TANGO6: variants seen among roughly 807,000 people sequenced by gnomAD.
TANGO6 encodes the protein transport and Golgi organization protein 6 homolog.
In TANGO6, 90 loss-of-function variants were observed where a neutral mutation model predicts 114.2. That is an observed-to-expected ratio of 0.79 (90% CI 0.66 to 0.94). TANGO6 has a LOEUF of 0.94. Among genes scored for constraint, TANGO6 ranks in the 40% least tolerant of loss-of-function variants. The pLI, the probability that TANGO6 is intolerant of heterozygous loss-of-function variation, is 0.00. For missense variants in TANGO6, 1,274 were observed against 1,315.3 expected, an observed-to-expected ratio of 0.97 and a Z score of 0.49; for synonymous variants, 477 against 509.8, an observed-to-expected ratio of 0.94 and a Z score of 0.87.
intron 4 of TANGO6, chr16:68,867,882 C>G (rs914279809): frequency 6.6e-6 from 1 of 151,458 alleles, no homozygotes; most frequent in African/African-American, 2.4e-5. Flanking sequence ...TGGCTCACAC[C>G]TGTAATCCCA....
chr16:69,037,583 A>G (rs80079833), intron 16 of TANGO6, among the ~76,000 whole-genome samples: 3,936 of 152,276 alleles, frequency 0.026, 182 homozygotes, highest in African/African-American at 0.09. Context: ...CTGAAAGTGG[A>G]GGTAGCTATT....
chr16:69,061,528 A>C (rs1368695017), intron 17 of TANGO6, among the ~76,000 whole-genome samples: 1 of 151,148 alleles, frequency 6.6e-6, no homozygotes, highest in East Asian at 2.0e-4. Flanking sequence ...ACTCCAGCCT[A>C]GGCGACAGAG....
At chr16:68,906,835 C>T (rs1962856936) in intron 9 of TANGO6, among the ~76,000 whole-genome samples, 1 of 151,110 alleles carries the variant, frequency 6.6e-6, no homozygotes, top group African/African-American at 2.4e-5. Flanking sequence ...CTCTTGTTAC[C>T]CAGGCTGGAG....
intron 17 of TANGO6, among the ~76,000 whole-genome samples, chr16:69,058,281 C>T (rs928087976): frequency 2.0e-5 from 3 of 152,076 alleles, no homozygotes; most frequent in Non-Finnish European, 4.4e-5. Context: ...CAAATCTGCG[C>T]CAAATAAATT....
chr16:68,885,006 A>G (rs1405580197), intron 7 of TANGO6, among the ~76,000 whole-genome samples: 1 of 152,238 alleles, frequency 6.6e-6, no homozygotes, highest in Non-Finnish European at 1.5e-5. Context: ...AGCCAGCTGC[A>G]GTGGGAAAAC....
chr16:68,843,592 C>G lies in TANGO6; in HGVS notation c.-26C>G. On this transcript the variant is annotated 5_prime_UTR_variant, in exon 1 of 18. Coordinates refer to ENST00000261778, the MANE Select transcript of TANGO6 (RefSeq NM_024562.2). Reference sequence around the variant, plus strand: ...GCCCTGCCGAGGCGCCTGAGCGGGTCGCGAGCGTGGTGTTACACTCCAGTC... The same window carrying G: ...GCCCTGCCGAGGCGCCTGAGCGGGTGGCGAGCGTGGTGTTACACTCCAGTC... The G allele has an allele frequency of 6.2e-7, 1 of 1,607,664 alleles. No individual in the cohort carries two copies. The highest frequency in any genetic ancestry group is 1.1e-5 in the South Asian group (1 of 90,752).
intron 15 of TANGO6, among the ~76,000 whole-genome samples, chr16:68,992,141 C>T (rs1963951620): frequency 6.6e-6 from 1 of 152,096 alleles, no homozygotes; most frequent in South Asian, 2.1e-4. Flanking sequence ...ATCTATTTAT[C>T]ACTATATTTA....
intron 17 of TANGO6, among the ~76,000 whole-genome samples, chr16:69,056,870 C>A (rs942121890): frequency 2.0e-5 from 3 of 151,920 alleles, no homozygotes; most frequent in Non-Finnish European, 2.9e-5. Flanking sequence ...TTTGTAGAGA[C>A]GGGGTTTCAC....
chr16:68,991,504 G>C (rs544902210), intron 15 of TANGO6, among the ~76,000 whole-genome samples: 42 of 152,200 alleles, frequency 2.8e-4, no homozygotes, highest in African/African-American at 9.4e-4. Context: ...AGCCAGGTGT[G>C]GTGGTGCACT....
intron 14 of TANGO6, among the ~76,000 whole-genome samples, chr16:68,946,724 A>T (rs555883728): frequency 1.6e-4 from 24 of 151,832 alleles, no homozygotes; most frequent in African/African-American, 4.6e-4. Flanking sequence ...CTGGTCTGAA[A>T]CTCCTGGGGT....
At chr16:68,991,992 C>G (rs561792161) in intron 15 of TANGO6, among the ~76,000 whole-genome samples, 5 of 151,608 alleles carry the variant, frequency 3.3e-5, no homozygotes, top group African/African-American at 1.2e-4. Context: ...AATGAGAGAC[C>G]ATCATCCTTT....
chr16:69,002,986 G>A (rs143437221), intron 15 of TANGO6, among the ~76,000 whole-genome samples: 3,261 of 151,958 alleles, frequency 0.021, 55 homozygotes, highest in Non-Finnish European at 0.03. Context: ...AGGTTGCAGT[G>A]AGCTGAGATG....
At chr16:68,960,050 C>T (rs1053980506) in intron 14 of TANGO6, among the ~76,000 whole-genome samples, 1 of 152,058 alleles carries the variant, frequency 6.6e-6, no homozygotes, top group Non-Finnish European at 1.5e-5. Context: ...ATCCGAAGCC[C>T]CTCTTTTCTT....
chr16:68,901,576 C>T (rs1403359942), intron 8 of TANGO6, among the ~76,000 whole-genome samples: 1 of 152,150 alleles, frequency 6.6e-6, no homozygotes, highest in Non-Finnish European at 1.5e-5. Context: ...GCAACCTCTG[C>T]CTCCTGAGTT....
chr16:69,005,269 TTG>T (rs72147401), intron 15 of TANGO6, among the ~76,000 whole-genome samples: 12,997 of 152,148 alleles, frequency 0.085, 631 homozygotes, highest in African/African-American at 0.12. Flanking sequence ...AGCATGCAAT[TTG>T]ACAGTAAGAG....
At chr16:68,996,656 C>T (rs969291531) in intron 15 of TANGO6, among the ~76,000 whole-genome samples, 8 of 152,098 alleles carry the variant, frequency 5.3e-5, no homozygotes, top group African/African-American at 1.4e-4. Flanking sequence ...AAATGGCATC[C>T]AAGACAGGAG....
At chr16:69,040,552 G>T in intron 17 of TANGO6, 131 bp downstream of exon 17, 1 of 726,876 alleles carries the variant, frequency 1.4e-6, no homozygotes, top group Non-Finnish European at 2.3e-6. Context: ...CATCAACAGG[G>T]ATTTTGTAGC....
chr16:68,921,120 A>G (rs1408082627), intron 12 of TANGO6, among the ~76,000 whole-genome samples: 7 of 145,784 alleles, frequency 4.8e-5, no homozygotes, highest in Admixed American at 6.8e-5. Context: ...CTCTGTCTCA[A>G]AAAAAAAAAA....
intron 9 of TANGO6, among the ~76,000 whole-genome samples, chr16:68,902,765 C>G (rs1962802249): frequency 1.3e-5 from 2 of 152,238 alleles, no homozygotes; most frequent in African/African-American, 4.8e-5. Context: ...ACTCCACCAT[C>G]TTTGCCAGTT....
Sources: gnomAD v4.1 joint callset for allele counts (sites outside exome capture counted in the v4.1 genomes callset) on GRCh38, gnomAD v4.1.1 for gene constraint, MANE v1.5 for transcripts, NCBI Gene and HGNC (gene_info 2026-07-23, HGNC 2026-07-21) for gene names.